The following MMP16 variants were observed in gnomAD, a reference collection of about 807,000 sequenced individuals.
The protein encoded by MMP16 is matrix metalloproteinase-16.
Under a neutral mutation model 67.8 loss-of-function variants are expected in MMP16, and 12 were observed. The ratio of observed to expected loss-of-function variants is 0.18; its 90% CI spans 0.11 to 0.29. MMP16 has a LOEUF of 0.29. MMP16 is among the 10% of genes least tolerant of loss of function. The pLI, the probability that MMP16 is intolerant of heterozygous loss-of-function variation, is 1.00. For missense variants in MMP16, 475 were observed against 765.7 expected (o/e 0.62, Z 4.48); for synonymous variants, 249 against 255.9 (o/e 0.97, Z 0.26).
chr8:88,265,188 C>T (rs1015776387), intron 1 of MMP16, among the ~76,000 whole-genome samples: 3 of 142,666 alleles, frequency 2.1e-5, no homozygotes, highest in Non-Finnish European at 4.5e-5. Flanking sequence ...ACTCAGCCCT[C>T]AAGTAGACAA....
chr8:88,159,616 C>A (rs1563549573), intron 4 of MMP16, among the ~76,000 whole-genome samples: 1 of 151,992 alleles, frequency 6.6e-6, no homozygotes, highest in Non-Finnish European at 1.5e-5. Context: ...AATTGAATAC[C>A]CTTTATTTCT....
At chr8:88,320,708 T>G (rs1811445961) in intron 1 of MMP16, among the ~76,000 whole-genome samples, 1 of 152,142 alleles carries the variant, frequency 6.6e-6, no homozygotes, top group African/African-American at 2.4e-5. Flanking sequence ...GTCCTTGATT[T>G]TAAACCAAGT....
chr8:88,101,366 A>G (rs987114301), intron 6 of MMP16, among the ~76,000 whole-genome samples: 10 of 151,952 alleles, frequency 6.6e-5, no homozygotes, highest in Non-Finnish European at 1.3e-4. Flanking sequence ...TACATGAAAA[A>G]GTTTCAGGAA....
At chr8:88,322,801 C>T (rs936982999) in intron 1 of MMP16, among the ~76,000 whole-genome samples, 9 of 152,042 alleles carry the variant, frequency 5.9e-5, no homozygotes, top group East Asian at 1.9e-4. Context: ...GCTATGATCA[C>T]GTCATGTAAT....
intron 1 of MMP16, among the ~76,000 whole-genome samples, chr8:88,249,751 A>G (rs1355703544): frequency 6.6e-6 from 1 of 152,052 alleles, no homozygotes; most frequent in Non-Finnish European, 1.5e-5. Flanking sequence ...AGAGCTCCAC[A>G]CCACAAAATC....
intron 8 of MMP16, among the ~76,000 whole-genome samples, chr8:88,055,830 T>G (rs1023830710): frequency 3.3e-5 from 5 of 152,078 alleles, no homozygotes; most frequent in African/African-American, 1.2e-4. Flanking sequence ...AAAGATGCAT[T>G]GCAAGGATAC....
chr8:88,093,395 A>G (rs1432901727), intron 6 of MMP16, among the ~76,000 whole-genome samples: 1 of 151,812 alleles, frequency 6.6e-6, no homozygotes. Flanking sequence ...TCGATCAACC[A>G]TAACCAGTCT....
chr8:88,063,243 A>G (rs983801962), intron 7 of MMP16, among the ~76,000 whole-genome samples: 3 of 152,012 alleles, frequency 2.0e-5, no homozygotes, highest in African/African-American at 7.2e-5. Flanking sequence ...ATGACATTCA[A>G]TCATCCATCT....
chr8:88,149,596 G>GGC (rs1173646254), intron 4 of MMP16, among the ~76,000 whole-genome samples: 10 of 152,014 alleles, frequency 6.6e-5, no homozygotes, highest in African/African-American at 2.4e-4. Flanking sequence ...CCCCAGCAGG[G>GGC]GCACACTGAC....
chr8:88,243,548 T>C (rs1229455640), intron 1 of MMP16, among the ~76,000 whole-genome samples: 1 of 152,188 alleles, frequency 6.6e-6, no homozygotes, highest in Non-Finnish European at 1.5e-5. Context: ...CCAGAAAATG[T>C]TGCAGTAGAC....
intron 6 of MMP16, among the ~76,000 whole-genome samples, chr8:88,075,657 G>A (rs1808635991): frequency 6.6e-6 from 1 of 151,856 alleles, no homozygotes; most frequent in Non-Finnish European, 1.5e-5. Context: ...TAAAAACTAG[G>A]TGTATTTTAA....
chr8:88,139,073 AAAT>A (rs1350983920), intron 4 of MMP16, among the ~76,000 whole-genome samples: 1 of 152,166 alleles, frequency 6.6e-6, no homozygotes, highest in African/African-American at 2.4e-5. Flanking sequence ...TTTTGTCACC[AAAT>A]AATAAATTCT....
chr8:88,321,180 C>CA (rs1183211940), intron 1 of MMP16, among the ~76,000 whole-genome samples: 3 of 151,804 alleles, frequency 2.0e-5, no homozygotes, highest in Non-Finnish European at 2.9e-5. Context: ...TGGTGAAGAA[C>CA]AAAAAAATCC....
At chr8:88,128,928 G>A (rs1349202128) in intron 4 of MMP16, among the ~76,000 whole-genome samples, 1 of 151,780 alleles carries the variant, frequency 6.6e-6, no homozygotes, top group Non-Finnish European at 1.5e-5. Flanking sequence ...GTTGGAGAAT[G>A]ATTGGGTTTA....
chr8:88,094,020 G>A (rs553823263), intron 6 of MMP16, among the ~76,000 whole-genome samples: 51 of 151,928 alleles, frequency 3.4e-4, no homozygotes, highest in African/African-American at 1.2e-3. Flanking sequence ...TTTAGTATAA[G>A]GCGGGTCTGT....
At position 88,187,184 on chromosome 8, in the gene MMP16, T is replaced by C. The variant is rs1188494273; in HGVS notation, c.282-586A>G. ...GCAGCCACTTGCTTTGAATATTTGA[T>C]AAATAACCAAATTCAATGCTTAAAA... On this transcript the variant is annotated intron_variant, in intron 2 of 9. Coordinates refer to ENST00000286614, the MANE Select transcript of MMP16 (RefSeq NM_005941.5). 2.6e-5 allele frequency among the ~76,000 whole-genome samples: 4 copies of C among 152,194 alleles called. No individual in the cohort carries two copies. The East Asian group carries it at 7.7e-4, about 29-fold the overall frequency.
intron 5 of MMP16, among the ~76,000 whole-genome samples, chr8:88,117,048 T>C (rs1470206070): frequency 1.3e-5 from 2 of 152,096 alleles, no homozygotes; most frequent in African/African-American, 4.8e-5. Context: ...GGTATATAAA[T>C]AATAAATAAA....
rs191980873 is a variant in MMP16, at chr8:88,113,032, T to C, written c.1083+3475A>G. On this transcript the variant is annotated intron_variant, in intron 6 of 9. Transcript: ENST00000286614. The stretch of plus-strand genomic sequence containing the variant: ...AATGCTTCAGGGATTTCATTTAGGC[T>C]GACTATCATCGTATAAAAATAATAT... 7.4e-3 allele frequency among the ~76,000 whole-genome samples: 1,121 copies of C among 151,964 alleles called. 6 individuals carry two copies. The highest frequency in any genetic ancestry group is 0.017 in the South Asian group (82 of 4,828).
chr8:88,096,217 T>C (rs1299879814), intron 6 of MMP16, among the ~76,000 whole-genome samples: 1 of 151,938 alleles, frequency 6.6e-6, no homozygotes, highest in Non-Finnish European at 1.5e-5. Context: ...ATAAGTTTCA[T>C]TGAAAGAATA....
Sources: gnomAD v4.1 joint callset for allele counts (sites outside exome capture counted in the v4.1 genomes callset) on GRCh38, gnomAD v4.1.1 for gene constraint, MANE v1.5 for transcripts, NCBI Gene and HGNC (gene_info 2026-07-23, HGNC 2026-07-21) for gene names.